GPR158: variants seen among roughly 807,000 people sequenced by gnomAD.
GPR158 encodes metabotropic glycine receptor.
Under a neutral mutation model 78.2 loss-of-function variants are expected in GPR158, and 30 were observed. The observed-to-expected ratio is 0.38, with a 90% CI of 0.29 to 0.52. The LOEUF (loss-of-function observed/expected upper bound fraction) is 0.52, where lower values mean the gene tolerates loss of function less well. GPR158 is among the 20% of genes least tolerant of loss of function. The pLI, the probability that GPR158 is intolerant of heterozygous loss-of-function variation, is 0.83. For missense variants in GPR158, 1,463 were observed against 1,523.5 expected, an observed-to-expected ratio of 0.96 and a Z score of 0.66; for synonymous variants, 581 against 591.1, an observed-to-expected ratio of 0.98 and a Z score of 0.25.
At position 25,550,986 on chromosome 10, in the gene GPR158, T is replaced by C; in HGVS notation, c.1415T>C (p.Leu472Ser). 1 of 1,589,370 alleles carries C rather than the reference T, an allele frequency of 6.3e-7. No homozygotes were observed. Among genetic ancestry groups the C allele is most frequent in the Non-Finnish European group, 8.6e-7 (1 of 1,157,626 alleles). ...GTTTTCATCCCACAGGTTGTTATTT[T>C]GTACTTTGAGCCAAGCACATTTCGC... ...SLLLYFPVVI[L>S]YFEPSTFRCI... is the part of the protein sequence containing the mutation. The change falls in exon 6 of 11, where the codon TTG (leucine) becomes TCG (serine). Residue 472 changes from leucine to serine, a missense_variant. Leu to Ser is a moderately radical substitution (Grantham distance 145). Coordinates refer to ENST00000376351, the MANE Select transcript of GPR158 (RefSeq NM_020752.3).
intron 2 of GPR158, among the ~76,000 whole-genome samples, chr10:25,223,619 G>A (rs1489905378): frequency 6.6e-6 from 1 of 152,142 alleles, no homozygotes; most frequent in African/African-American, 2.4e-5. Context: ...AAAGAAACAT[G>A]TCTCACTTGT....
At chr10:25,520,395 A>T (rs567177320) in intron 5 of GPR158, among the ~76,000 whole-genome samples, 1 of 148,950 alleles carries the variant, frequency 6.7e-6, no homozygotes, top group East Asian at 2.0e-4. Flanking sequence ...TTCTCCATCC[A>T]GCTTTGTTCT....
At position 25,254,172 on chromosome 10, in the gene GPR158, T is replaced by C. The variant is rs532872334; in HGVS notation, c.1008+33015T>C. Among the ~76,000 whole-genome samples, 5 of 152,326 alleles carry C rather than the reference T, an allele frequency of 3.3e-5. No individual in the cohort carries two copies. In the South Asian group the frequency reaches 8.3e-4, roughly 25 times the overall value. On this transcript the variant is annotated intron_variant, in intron 2 of 10. Coordinates refer to ENST00000376351, the MANE Select transcript of GPR158 (RefSeq NM_020752.3). ...GCTTTGGCTCTTTGTTTGTGGTTTA[T>C]AAAATACTGTCCAAGAAAATCAAGG...
At chr10:25,382,387 C>G (rs947891831) in intron 2 of GPR158, among the ~76,000 whole-genome samples, 1 of 151,570 alleles carries the variant, frequency 6.6e-6, no homozygotes, top group African/African-American at 2.4e-5. Context: ...CTGGCTCCAT[C>G]GAACATAAGA....
chr10:25,507,748 C>T (rs548799044), intron 5 of GPR158, among the ~76,000 whole-genome samples: 1 of 152,140 alleles, frequency 6.6e-6, no homozygotes, highest in Non-Finnish European at 1.5e-5. Context: ...GTTAATTTCT[C>T]TTTATGGCAA....
At chr10:25,503,719 G>A (rs1330577582) in intron 5 of GPR158, among the ~76,000 whole-genome samples, 4 of 152,074 alleles carry the variant, frequency 2.6e-5, no homozygotes, top group Admixed American at 2.6e-4. Flanking sequence ...TTCTTGTCCT[G>A]GCTATGATGT....
chr10:25,534,462 C>T (rs984159770), intron 5 of GPR158, among the ~76,000 whole-genome samples: 2 of 151,800 alleles, frequency 1.3e-5, no homozygotes, highest in African/African-American at 4.8e-5. Flanking sequence ...CGTGATAAAA[C>T]CCCGTCTGTA....
intron 3 of GPR158, among the ~76,000 whole-genome samples, chr10:25,405,093 C>A (rs1043035806): frequency 6.6e-6 from 1 of 152,006 alleles, no homozygotes; most frequent in Non-Finnish European, 1.5e-5. Context: ...TATGAAAGAA[C>A]CTTAATTTAT....
intron 2 of GPR158, among the ~76,000 whole-genome samples, chr10:25,279,086 A>G (rs1854228409): frequency 6.6e-6 from 1 of 152,170 alleles, no homozygotes; most frequent in African/African-American, 2.4e-5. Context: ...GTACAAAAAT[A>G]ACACATGAGA....
chr10:25,313,036 T>A (rs7896019), intron 2 of GPR158, among the ~76,000 whole-genome samples: 30,718 of 151,882 alleles, frequency 0.2, 5,248 homozygotes, highest in African/African-American at 0.47. Flanking sequence ...TTTGCATACC[T>A]TACTTTAAGA....
chr10:25,335,050 C>A (rs769405003), intron 2 of GPR158, among the ~76,000 whole-genome samples: 1 of 152,016 alleles, frequency 6.6e-6, no homozygotes, highest in Non-Finnish European at 1.5e-5. Flanking sequence ...GAGAACATTG[C>A]ACAGATCTCT....
At chr10:25,564,361 T>G (rs759924235) in intron 6 of GPR158, among the ~76,000 whole-genome samples, 1 of 152,196 alleles carries the variant, frequency 6.6e-6, no homozygotes, top group Non-Finnish European at 1.5e-5. Context: ...TTTTCAATGC[T>G]CTTATTCCCC....
intron 2 of GPR158, among the ~76,000 whole-genome samples, chr10:25,360,590 G>T (rs1855621627): frequency 6.6e-6 from 1 of 152,086 alleles, no homozygotes; most frequent in Non-Finnish European, 1.5e-5. Flanking sequence ...TGAAGCCTCT[G>T]TTCTGTTCCA....
In GPR158 at chr10:25,435,591, T is replaced by C. The variant is rs866909165; in HGVS notation, c.1335+23118T>C. On this transcript the variant is annotated intron_variant, in intron 4 of 10. Coordinates refer to ENST00000376351, the MANE Select transcript of GPR158 (RefSeq NM_020752.3). ...TGGAGAGGTGAGTTTGGAGAGGTCG[T>C]CAGGACTCAGTCATCCAGAGGCCTA... 2.6e-4 allele frequency among the ~76,000 whole-genome samples: 39 copies of C among 152,270 alleles called. 1 individual carries two copies. Among genetic ancestry groups the C allele is most frequent in the Middle Eastern group, 3.4e-3 (1 of 294 alleles).
At chr10:25,352,216 A>G (rs1383099648) in intron 2 of GPR158, among the ~76,000 whole-genome samples, 1 of 151,768 alleles carries the variant, frequency 6.6e-6, no homozygotes, top group East Asian at 1.9e-4. Flanking sequence ...TGTGAATATC[A>G]CTCTAGTGAA....
At chr10:25,224,999 T>C (rs1488647338) in intron 2 of GPR158, among the ~76,000 whole-genome samples, 1 of 152,138 alleles carries the variant, frequency 6.6e-6, no homozygotes, top group African/African-American at 2.4e-5. Flanking sequence ...CACTTAACAC[T>C]GAAAACATTT....
chr10:25,384,971 TA>T (rs1344663698), intron 2 of GPR158, among the ~76,000 whole-genome samples: 1 of 152,158 alleles, frequency 6.6e-6, no homozygotes, highest in Non-Finnish European at 1.5e-5. Flanking sequence ...TTAATTGTGG[TA>T]AAAATACATA....
At chr10:25,510,654 C>T (rs1162185748) in intron 5 of GPR158, among the ~76,000 whole-genome samples, 1 of 152,128 alleles carries the variant, frequency 6.6e-6, no homozygotes, top group Non-Finnish European at 1.5e-5. Flanking sequence ...CACCCATCAC[C>T]TGAGCAGTGT....
Position 25,599,622 on chromosome 10 carries a change from C to T in GPR158, c.*348C>T. 1 of 203,396 alleles carries T rather than the reference C, an allele frequency of 4.9e-6. No homozygotes were observed. The highest frequency in any genetic ancestry group is 9.9e-6 in the Non-Finnish European group (1 of 100,664). The allele number at this position is 203,396 out of a possible 1,614,324, so 12.6% of individuals were successfully genotyped here. A position where few individuals can be genotyped will look rare whatever the true frequency, so the allele number is the denominator to read the frequency against. ...TAAACCAGGAGACACAGAAGACGTA[C>T]CAGATTTGCAAAGAAAGAAAAGGTA... On this transcript the variant is annotated 3_prime_UTR_variant, in exon 11 of 11. Transcript: ENST00000376351.
Sources: gnomAD v4.1 joint callset for allele counts (sites outside exome capture counted in the v4.1 genomes callset) on GRCh38, gnomAD v4.1.1 for gene constraint, MANE v1.5 for transcripts, NCBI Gene and HGNC (gene_info 2026-07-23, HGNC 2026-07-21) for gene names.